The following MPP7 variants were observed in gnomAD, a reference collection of about 807,000 sequenced individuals.
MPP7 encodes the protein MAGUK p55 scaffold protein 7, also known as MAGUK p55 subfamily member 7.
Under a neutral mutation model 76.5 loss-of-function variants are expected in MPP7, and 60 were observed. The observed-to-expected ratio is 0.78, with a 90% CI of 0.64 to 0.97. The LOEUF is 0.97. Among genes scored for constraint, MPP7 ranks in the 50% least tolerant of loss-of-function variants. The pLI is 0.00. For synonymous variants in MPP7, 237 were observed against 244.5 expected, an observed-to-expected ratio of 0.97 and a Z score of 0.29; for missense variants, 641 against 694.0, an observed-to-expected ratio of 0.92 and a Z score of 0.86.
intron 11 of MPP7, among the ~76,000 whole-genome samples, chr10:28,109,666 C>T (rs749368457): frequency 1.5e-4 from 22 of 151,426 alleles, no homozygotes; most frequent in Non-Finnish European, 3.1e-4. Context: ...TCAGATAAAA[C>T]GAGGTAATGA....
chr10:28,165,339 G>C (rs1047584550), intron 3 of MPP7, among the ~76,000 whole-genome samples: 2 of 152,138 alleles, frequency 1.3e-5, no homozygotes, highest in Admixed American at 1.3e-4. Context: ...CTGGGTAACA[G>C]AGTGAGAATC....
At chr10:28,100,842 C>G (rs1403586931) in intron 11 of MPP7, among the ~76,000 whole-genome samples, 2 of 152,032 alleles carry the variant, frequency 1.3e-5, no homozygotes, top group East Asian at 3.9e-4. Context: ...TTTCCTGATA[C>G]CACTTACAAT....
chr10:28,057,596 A>G (rs1851606698), intron 15 of MPP7: 4 of 415,326 alleles, frequency 9.6e-6, no homozygotes, highest in Non-Finnish European at 1.2e-5. Flanking sequence ...CAGTGAGCCA[A>G]TTAAACCTCT....
At chr10:28,300,056 C>T (rs1229026321) in intron 1 of MPP7, among the ~76,000 whole-genome samples, 1 of 152,172 alleles carries the variant, frequency 6.6e-6, no homozygotes, top group African/African-American at 2.4e-5. Context: ...CGTGAGCCAC[C>T]ATGCCTGGCC....
At chr10:28,113,327 G>T (rs1431148984) in intron 11 of MPP7, among the ~76,000 whole-genome samples, 2 of 152,088 alleles carry the variant, frequency 1.3e-5, no homozygotes, top group African/African-American at 2.4e-5. Flanking sequence ...GCCCTGCGAG[G>T]TATACTGCTC....
At chr10:28,123,960 A>G in intron 8 of MPP7, 71 bp downstream of exon 8, 1 of 1,026,984 alleles carries the variant, frequency 9.7e-7, no homozygotes. Context: ...TGTCAAACCA[A>G]GTCTAAAAGT....
At chr10:28,237,149 C>T (rs1018554805) in intron 2 of MPP7, among the ~76,000 whole-genome samples, 5 of 152,104 alleles carry the variant, frequency 3.3e-5, no homozygotes, top group South Asian at 2.1e-4. Context: ...ATGTAAGCAA[C>T]GATATTTTGC....
chr10:28,234,368 T>C (rs149086280), intron 2 of MPP7, among the ~76,000 whole-genome samples: 1 of 151,928 alleles, frequency 6.6e-6, no homozygotes, highest in South Asian at 2.1e-4. Context: ...AATTAATAAA[T>C]GGGAGAGAAA....
At chr10:28,303,708 A>G (rs1841220121), upstream of MPP7, among the ~76,000 whole-genome samples, 1 of 152,216 alleles carries the variant, frequency 6.6e-6, no homozygotes, top group South Asian at 2.1e-4. Flanking sequence ...GGAGAATGGT[A>G]AAGACAAACT....
chr10:28,207,349 C>T (rs997664968), intron 2 of MPP7, among the ~76,000 whole-genome samples: 11 of 151,896 alleles, frequency 7.2e-5, no homozygotes, highest in African/African-American at 2.2e-4. Context: ...TTGATTGATA[C>T]GTACAAGAAC....
At chr10:28,243,315 A>G (rs1239039373) in intron 1 of MPP7, among the ~76,000 whole-genome samples, 1 of 152,184 alleles carries the variant, frequency 6.6e-6, no homozygotes, top group African/African-American at 2.4e-5. Flanking sequence ...GGTGGAACCA[A>G]GTCCCCACTT....
Position 28,200,965 on chromosome 10 carries a change from ACAGT to A in MPP7, c.156+1184_156+1187del. On this transcript the variant is annotated intron_variant, in intron 3 of 16. Coordinates refer to ENST00000683449, the MANE Select transcript of MPP7 (RefSeq NM_001318170.2). ...AAACCCATAGCTATCCAACTTCCAC[ACAGT>A]CAACTTAAAAATATTTTTATGATTG... Among the ~76,000 whole-genome samples the A allele has an allele frequency of 1.3e-5, 2 of 152,202 alleles. 1 individual carries two copies. Among genetic ancestry groups the A allele is most frequent in the Admixed American group, 1.3e-4 (2 of 15,288 alleles).
intron 2 of MPP7, among the ~76,000 whole-genome samples, chr10:28,213,241 T>C (rs917884601): frequency 6.6e-6 from 1 of 151,696 alleles, no homozygotes; most frequent in African/African-American, 2.4e-5. Flanking sequence ...GTACGGGAAG[T>C]GGGGTAAAGA....
chr10:28,075,818 T>C (rs1292015866), intron 12 of MPP7, among the ~76,000 whole-genome samples: 2 of 152,224 alleles, frequency 1.3e-5, no homozygotes, highest in Non-Finnish European at 2.9e-5. Flanking sequence ...TGCATTGTAC[T>C]TGCCTGCTTC....
At chr10:28,257,067 T>TA (rs1456751920) in intron 1 of MPP7, among the ~76,000 whole-genome samples, 1 of 152,204 alleles carries the variant, frequency 6.6e-6, no homozygotes, top group Non-Finnish European at 1.5e-5. Context: ...AGAAACAGCA[T>TA]AAGTTTCAAC....
At chr10:28,288,786 T>C (rs1171714683) in intron 1 of MPP7, among the ~76,000 whole-genome samples, 4 of 152,112 alleles carry the variant, frequency 2.6e-5, no homozygotes, top group Admixed American at 1.3e-4. Flanking sequence ...TGAGTTCCTG[T>C]TTGAACAAAC....
At chr10:28,121,441 T>C (rs1834836403) in intron 8 of MPP7, among the ~76,000 whole-genome samples, 1 of 152,066 alleles carries the variant, frequency 6.6e-6, no homozygotes, top group Non-Finnish European at 1.5e-5. Context: ...TTCATATCTA[T>C]TGTATTCTGG....
chr10:28,319,961 C>CAA (rs5784051), intron 2 of MPP7, among the ~76,000 whole-genome samples: 11,994 of 151,324 alleles, frequency 0.079, 1,016 homozygotes, highest in East Asian at 0.43. Flanking sequence ...CTCTCAAAAA[C>CAA]AAAAAAAAAT....
At chr10:28,136,083 T>C (rs1328224896) in intron 5 of MPP7, among the ~76,000 whole-genome samples, 2 of 151,874 alleles carry the variant, frequency 1.3e-5, no homozygotes, top group Non-Finnish European at 2.9e-5. Context: ...TGCGAGGATC[T>C]AGGTTGCATG....
Sources: gnomAD v4.1 joint callset for allele counts (sites outside exome capture counted in the v4.1 genomes callset) on GRCh38, gnomAD v4.1.1 for gene constraint, MANE v1.5 for transcripts, NCBI Gene and HGNC (gene_info 2026-07-23, HGNC 2026-07-21) for gene names.